The following THSD7B variants were observed in gnomAD, a reference collection of about 807,000 sequenced individuals.
THSD7B encodes the protein thrombospondin type 1 domain containing 7B.
In THSD7B, 138 loss-of-function variants were observed where a neutral mutation model predicts 213.6. That is an observed-to-expected ratio of 0.65 (90% confidence interval 0.56 to 0.74). The LOEUF is 0.74. Among genes scored for constraint, THSD7B ranks in the 30% least tolerant of loss-of-function variants. THSD7B has a pLI of 0.00. For missense variants in THSD7B, 1,931 were observed against 1,991.5 expected, an observed-to-expected ratio of 0.97 and a Z score of 0.58; for synonymous variants, 742 against 687.0, an observed-to-expected ratio of 1.08 and a Z score of -1.25.
chr2:137,372,054 T>G (rs1685543761), intron 12 of THSD7B, among the ~76,000 whole-genome samples: 1 of 152,148 alleles, frequency 6.6e-6, no homozygotes, highest in African/African-American at 2.4e-5. Context: ...TTTCTGCTCA[T>G]ACTAGCTTAA....
chr2:136,832,627 ATGGAGC>A (rs1167726209), intron 1 of THSD7B, among the ~76,000 whole-genome samples: 5 of 152,212 alleles, frequency 3.3e-5, no homozygotes, highest in African/African-American at 7.2e-5. Context: ...TCATCACAAC[ATGGAGC>A]TGTCCCCAGT....
At position 137,003,993 on chromosome 2, in the gene THSD7B, A is replaced by T. The variant is rs117687638; in HGVS notation, c.140-52427A>T. ...ATCTTTTCTCTTCCATTGATGCCTAAGAAGTGCCCTTCACCCTCCCCTGTT... is the reference window on the plus strand; with the variant it reads ...ATCTTTTCTCTTCCATTGATGCCTATGAAGTGCCCTTCACCCTCCCCTGTT... On this transcript the variant is annotated intron_variant, in intron 2 of 27. Coordinates refer to ENST00000409968, the MANE Select transcript of THSD7B (RefSeq NM_001316349.2). Among the ~76,000 whole-genome samples the T allele has an allele frequency of 7.2e-5, 11 of 152,322 alleles. No homozygotes were observed. In the East Asian group the frequency reaches 2.1e-3, roughly 29 times the overall value.
At chr2:137,302,736 T>G (rs116265472) in intron 12 of THSD7B, among the ~76,000 whole-genome samples, 8,907 of 152,168 alleles carry the variant, frequency 0.059, 411 homozygotes, top group Middle Eastern at 0.1. Context: ...GAGAAACTCA[T>G]GAGGGAGAAA....
chr2:136,803,222 CAG>C (rs982083831), intron 1 of THSD7B, among the ~76,000 whole-genome samples: 22 of 151,928 alleles, frequency 1.4e-4, no homozygotes, highest in African/African-American at 5.3e-4. Context: ...AATAAGCAAA[CAG>C]AAAATTAATG....
rs77524990 is a variant in THSD7B at position 137,302,216 on chromosome 2, G to C, written c.2500+26190G>C. 4.2e-3 allele frequency among the ~76,000 whole-genome samples: 638 copies of C among 152,136 alleles called. 5 individuals are homozygous for C. Among genetic ancestry groups the C allele is most frequent in the African/African-American group, 0.015 (604 of 41,512 alleles). On this transcript the variant is annotated intron_variant, in intron 12 of 27. Transcript: ENST00000409968. ...AATGGGACTGAATGAGATCATGGAG[G>C]GATTGTATGTAACTAGGGAAGACTC...
At chr2:137,487,165 G>A (rs1431281508) in intron 15 of THSD7B, among the ~76,000 whole-genome samples, 2 of 148,504 alleles carry the variant, frequency 1.3e-5, no homozygotes, top group Non-Finnish European at 3.0e-5. Context: ...TCAGGAGATT[G>A]AGACCATCCT....
intron 5 of THSD7B, among the ~76,000 whole-genome samples, chr2:137,159,515 G>A (rs1679973162): frequency 1.3e-5 from 2 of 152,056 alleles, no homozygotes; most frequent in African/African-American, 2.4e-5. Flanking sequence ...AGGACACATG[G>A]TGAACACTGT....
intron 15 of THSD7B, among the ~76,000 whole-genome samples, chr2:137,481,795 G>C (rs1012154144): frequency 6.6e-6 from 1 of 152,120 alleles, no homozygotes; most frequent in African/African-American, 2.4e-5. Flanking sequence ...GACCCTAGTA[G>C]CATTTTCATA....
At chr2:137,387,476 T>C (rs931740677) in intron 12 of THSD7B, among the ~76,000 whole-genome samples, 1 of 152,160 alleles carries the variant, frequency 6.6e-6, no homozygotes, top group Non-Finnish European at 1.5e-5. Context: ...AAGACAACAA[T>C]ATTCCAAGTT....
intron 5 of THSD7B, among the ~76,000 whole-genome samples, chr2:137,126,029 T>C (rs1265162859): frequency 6.6e-6 from 1 of 152,142 alleles, no homozygotes. Context: ...TAAATAGATA[T>C]GTTGGGGTTT....
At chr2:136,847,297 G>A (rs1231326456) in intron 1 of THSD7B, among the ~76,000 whole-genome samples, 1 of 152,200 alleles carries the variant, frequency 6.6e-6, no homozygotes, top group Non-Finnish European at 1.5e-5. Flanking sequence ...GACTTTCCAT[G>A]ATGGAAGTGA....
At chr2:137,181,980 G>A (rs1385400987) in intron 7 of THSD7B, among the ~76,000 whole-genome samples, 2 of 152,238 alleles carry the variant, frequency 1.3e-5, no homozygotes, top group East Asian at 3.9e-4. Flanking sequence ...TATATTTTGA[G>A]TGCATTGTAA....
intron 7 of THSD7B, among the ~76,000 whole-genome samples, chr2:137,209,321 T>G (rs1251739885): frequency 6.6e-6 from 1 of 152,076 alleles, no homozygotes; most frequent in Non-Finnish European, 1.5e-5. Flanking sequence ...GCTTTAATTT[T>G]CCTTCAATCC....
chr2:137,635,641 T>C (rs913521063), intron 20 of THSD7B, among the ~76,000 whole-genome samples: 1 of 152,106 alleles, frequency 6.6e-6, no homozygotes, highest in Non-Finnish European at 1.5e-5. Context: ...GGAATTGATA[T>C]GAGAGTATTT....
intron 2 of THSD7B, among the ~76,000 whole-genome samples, chr2:136,935,722 C>G (rs1423117850): frequency 6.6e-6 from 1 of 151,920 alleles, no homozygotes; most frequent in African/African-American, 2.4e-5. Context: ...GGACTGCTGA[C>G]GAAGTCTGTC....
At chr2:137,331,788 C>T (rs1035454903) in intron 12 of THSD7B, among the ~76,000 whole-genome samples, 11 of 152,308 alleles carry the variant, frequency 7.2e-5, no homozygotes, top group East Asian at 5.8e-4. Flanking sequence ...AGAAATCGAG[C>T]GCAGCGCTCG....
At chr2:137,046,892 G>A (rs779364095) in intron 2 of THSD7B, among the ~76,000 whole-genome samples, 4 of 152,052 alleles carry the variant, frequency 2.6e-5, no homozygotes, top group South Asian at 2.1e-4. Context: ...AAAGGAGTAC[G>A]ATGGGCCTGA....
chr2:137,207,349 C>T (rs1255345193), intron 7 of THSD7B, among the ~76,000 whole-genome samples: 1 of 152,056 alleles, frequency 6.6e-6, no homozygotes, highest in Non-Finnish European at 1.5e-5. Flanking sequence ...CAAAGCTTGG[C>T]TCATTCACTA....
chr2:137,569,078 T>G (rs1681301383), intron 16 of THSD7B, among the ~76,000 whole-genome samples: 1 of 151,892 alleles, frequency 6.6e-6, no homozygotes, highest in African/African-American at 2.4e-5. Context: ...TAAGAAAGGG[T>G]GGAAGATGTG....
Sources: gnomAD v4.1 joint callset for allele counts (sites outside exome capture counted in the v4.1 genomes callset) on GRCh38, gnomAD v4.1.1 for gene constraint, MANE v1.5 for transcripts, NCBI Gene and HGNC (gene_info 2026-07-23, HGNC 2026-07-21) for gene names.